Variants in SLC25A31 observed in about 807,000 individuals in gnomAD.
SLC25A31 encodes ADP/ATP translocase 4.
SLC25A31 carries 40 observed loss-of-function variants against 36.2 expected under a neutral mutation model. That is an observed-to-expected ratio of 1.10 (90% CI 0.86 to 1.44). The LOEUF (loss-of-function observed/expected upper bound fraction) is 1.44. SLC25A31 is among the 40% of genes most tolerant of loss of function. The pLI, the probability that SLC25A31 is intolerant of heterozygous loss-of-function variation, is 0.00. For synonymous variants in SLC25A31, 143 were observed against 149.7 expected, an observed-to-expected ratio of 0.96 and a Z score of 0.32; for missense variants, 350 against 397.1, an observed-to-expected ratio of 0.88 and a Z score of 1.01.
At chr4:127,737,350 T>C (rs1055141632) in intron 1 of SLC25A31, among the ~76,000 whole-genome samples, 2 of 151,482 alleles carry the variant, frequency 1.3e-5, no homozygotes. Context: ...GATATTGACA[T>C]TTCTTTTGAT....
At chr4:127,758,782 G>A (rs1261047420) in intron 2 of SLC25A31, among the ~76,000 whole-genome samples, 1 of 152,134 alleles carries the variant, frequency 6.6e-6, no homozygotes, top group East Asian at 1.9e-4. Context: ...GTTGAGTGTA[G>A]GTGTGTGGCC....
chr4:127,754,816 A>G (rs1249566716), intron 2 of SLC25A31, among the ~76,000 whole-genome samples: 3 of 152,194 alleles, frequency 2.0e-5, no homozygotes, highest in Admixed American at 6.5e-5. Flanking sequence ...GAAATAAAAA[A>G]AGAATCCTTC....
At chr4:127,751,939 G>A (rs964534497) in intron 2 of SLC25A31, among the ~76,000 whole-genome samples, 53 of 152,286 alleles carry the variant, frequency 3.5e-4, no homozygotes, top group African/African-American at 1.2e-3. Context: ...GAGAGGATGT[G>A]GAGAAATAGG....
chr4:127,764,424 G>T, intron 3 of SLC25A31, 64 bp downstream of exon 3: 1 of 1,347,330 alleles, frequency 7.4e-7, no homozygotes, highest in South Asian at 1.2e-5. Context: ...GTTATTTATT[G>T]GCATTAATTG....
intron 1 of SLC25A31, among the ~76,000 whole-genome samples, chr4:127,741,165 G>A (rs1358132809): frequency 6.6e-6 from 1 of 152,162 alleles, no homozygotes; most frequent in African/African-American, 2.4e-5. Context: ...CTGTATGTAA[G>A]ATCATGTCAT....
intron 2 of SLC25A31, among the ~76,000 whole-genome samples, chr4:127,748,894 A>G (rs1462392860): frequency 1.3e-5 from 2 of 152,236 alleles, no homozygotes; most frequent in Non-Finnish European, 2.9e-5. Context: ...GGCATCACCA[A>G]AGGAAACTAA....
intron 5 of SLC25A31, among the ~76,000 whole-genome samples, chr4:127,771,884 GTTAAA>G (rs1370892852): frequency 1.3e-5 from 2 of 152,140 alleles, no homozygotes; most frequent in African/African-American, 4.8e-5. Context: ...TACATATTGT[GTTAAA>G]TTAATCTGTT....
intron 2 of SLC25A31, among the ~76,000 whole-genome samples, chr4:127,759,935 C>T (rs1398284087): frequency 1.3e-5 from 2 of 152,050 alleles, no homozygotes; most frequent in South Asian, 2.1e-4. Context: ...TTTTATATAA[C>T]GTTCTTGAGA....
chr4:127,735,890 TTATTTA>T (rs1731620481), intron 1 of SLC25A31, among the ~76,000 whole-genome samples: 2 of 55,640 alleles, frequency 3.6e-5, no homozygotes, highest in Admixed American at 1.9e-4. Flanking sequence ...ATTTATTTAT[TTATTTA>T]TTTTTTTTTT....
chr4:127,773,520 G>A lies in SLC25A31; in HGVS notation c.894G>A (p.Leu298=). The change falls in exon 6 of 6, where the codon TTG becomes TTA. Residue 298 remains leucine, a synonymous_variant. Transcript: ENST00000281154. ...VLRGTGGALV[L]VLYDKIKEFF... Reference sequence around the variant, plus strand: ...GCGGTACAGGGGGTGCTTTGGTGTTGGTATTATATGATAAAATTAAAGAAT... The same window carrying A: ...GCGGTACAGGGGGTGCTTTGGTGTTAGTATTATATGATAAAATTAAAGAAT... 1 of 1,604,778 alleles carries A rather than the reference G, an allele frequency of 6.2e-7. No homozygotes were observed. The highest frequency in any genetic ancestry group is 2.2e-5 in the East Asian group (1 of 44,740).
intron 2 of SLC25A31, among the ~76,000 whole-genome samples, chr4:127,745,991 T>C (rs1005051489): frequency 6.6e-6 from 1 of 152,080 alleles, no homozygotes; most frequent in Admixed American, 6.6e-5. Context: ...CAATGTCTGT[T>C]TTTTCCTTCT....
At chr4:127,735,875 TATTTATTTATTTA>T (rs1560630389) in intron 1 of SLC25A31, among the ~76,000 whole-genome samples, 1,016 of 77,706 alleles carry the variant, frequency 0.013, 19 homozygotes, top group African/African-American at 0.04. Flanking sequence ...TTATTTTATT[TATTTATTTATTTA>T]TTTATTTATT....
At chr4:127,766,158 TTTTTTGTTTTTTG>T (rs1381642683) in intron 3 of SLC25A31, among the ~76,000 whole-genome samples, 1 of 151,518 alleles carries the variant, frequency 6.6e-6, no homozygotes, top group Non-Finnish European at 1.5e-5. Flanking sequence ...ATTTGTTTTT[TTTTTTGTTTTTTG>T]TTTTTGTTTT....
chr4:127,735,970 A>G (rs911775794), intron 1 of SLC25A31, among the ~76,000 whole-genome samples: 2 of 147,150 alleles, frequency 1.4e-5, no homozygotes, highest in East Asian at 2.0e-4. Context: ...GCTCACTGCA[A>G]GCTCCGTCTC....
At chr4:127,752,738 C>T (rs1578663590) in intron 2 of SLC25A31, among the ~76,000 whole-genome samples, 1 of 152,250 alleles carries the variant, frequency 6.6e-6, no homozygotes, top group South Asian at 2.1e-4. Context: ...AATATAAATG[C>T]ACTCTACATC....
chr4:127,731,896 A>T (rs1731534489), intron 1 of SLC25A31, among the ~76,000 whole-genome samples: 1 of 152,148 alleles, frequency 6.6e-6, no homozygotes, highest in African/African-American at 2.4e-5. Flanking sequence ...ATACAAGTTT[A>T]AAATAAAGAT....
intron 1 of SLC25A31, among the ~76,000 whole-genome samples, chr4:127,735,137 C>T (rs1377006331): frequency 6.6e-6 from 1 of 152,186 alleles, no homozygotes; most frequent in African/African-American, 2.4e-5. Context: ...ATGCCATTTA[C>T]TCCAAGAAAT....
chr4:127,758,397 G>C (rs1233316217), intron 2 of SLC25A31, among the ~76,000 whole-genome samples: 2 of 152,110 alleles, frequency 1.3e-5, no homozygotes, highest in African/African-American at 4.8e-5. Context: ...TCCTTTGTCA[G>C]ATGCATAGTT....
intron 1 of SLC25A31, among the ~76,000 whole-genome samples, chr4:127,736,091 T>G (rs905050243): frequency 6.6e-6 from 1 of 151,012 alleles, no homozygotes; most frequent in South Asian, 2.1e-4. Flanking sequence ...GGGTTTCACC[T>G]TGTTAGCCAG....
Sources: gnomAD v4.1 joint callset for allele counts (sites outside exome capture counted in the v4.1 genomes callset) on GRCh38, gnomAD v4.1.1 for gene constraint, MANE v1.5 for transcripts, NCBI Gene and HGNC (gene_info 2026-07-23, HGNC 2026-07-21) for gene names.